The following CR1 variants were observed in gnomAD, a reference collection of about 807,000 sequenced individuals.
CR1 encodes the protein complement receptor type 1.
Under a neutral mutation model 187.3 loss-of-function variants are expected in CR1, and 116 were observed. That is an observed-to-expected ratio of 0.62 (90% CI 0.53 to 0.72). The LOEUF is 0.72. Ranked by LOEUF, CR1 falls within the 30% of genes least tolerant of loss-of-function variation. The pLI is 0.00. For missense variants in CR1, 1,731 were observed against 2,110.7 expected (o/e 0.82, Z 3.52); for synonymous variants, 576 against 747.1 (o/e 0.77, Z 3.73).
At chr1:207,637,440 G>C (rs202118992) in intron 46 of CR1, among the ~76,000 whole-genome samples, 1 of 107,592 alleles carries the variant, frequency 9.3e-6, no homozygotes, top group Non-Finnish European at 2.1e-5. Flanking sequence ...TTTCCTTGGG[G>C]CAAGGTTTCC....
chr1:207,516,109 C>G (rs1186257884), intron 4 of CR1, among the ~76,000 whole-genome samples: 1 of 152,116 alleles, frequency 6.6e-6, no homozygotes, highest in African/African-American at 2.4e-5. Flanking sequence ...GTAGTCCCAG[C>G]TACTTGGGAG....
intron 1 of CR1, 42 bp from the exon 2 acceptor site, chr1:207,505,862 T>C: frequency 1.9e-6 from 3 of 1,568,948 alleles, no homozygotes; most frequent in Non-Finnish European, 2.6e-6. Context: ...AGTATGGTAA[T>C]TTCTCCATTA....
intron 24 of CR1, among the ~76,000 whole-genome samples, chr1:207,566,882 A>G (rs1660516162): frequency 6.7e-6 from 1 of 150,250 alleles, no homozygotes; most frequent in Non-Finnish European, 1.5e-5. Flanking sequence ...TTAGAAATAT[A>G]CTTGGACATC....
At chr1:207,566,358 A>G (rs894773488) in intron 24 of CR1, among the ~76,000 whole-genome samples, 3 of 149,400 alleles carry the variant, frequency 2.0e-5, no homozygotes, top group Non-Finnish European at 4.4e-5. Flanking sequence ...CAGTCAGTCT[A>G]CAATTTATAT....
chr1:207,517,208 C>G (rs747427069), intron 4 of CR1, among the ~76,000 whole-genome samples: 1 of 151,968 alleles, frequency 6.6e-6, no homozygotes. Context: ...AAAAGACAAA[C>G]GCTGAATTCC....
Position 207,523,708 on chromosome 1 carries a change from C to T in CR1, c.585C>T (p.Cys195=), listed in dbSNP as rs1185038822. 1.9e-6 allele frequency: 3 copies of T among 1,613,408 alleles called. No individual in the cohort carries two copies. The highest frequency in any genetic ancestry group is 2.2e-5 in the East Asian group (1 of 44,890). ...ATGGATCAGTGGTGACCTACCGCTG[C>T]AATCCTGGAAGCGGAGGGAGAAAGG... The part of the protein sequence containing the change: ...FHYGSVVTYR[C]NPGSGGRKVF... The change falls in exon 5 of 47, where the codon TGC becomes TGT. Residue 195 remains cysteine, a synonymous_variant. Coordinates refer to ENST00000367049, the MANE Select transcript of CR1 (RefSeq NM_000651.6).
intron 46 of CR1, among the ~76,000 whole-genome samples, chr1:207,635,618 G>A (rs577156570): frequency 1.1e-4 from 17 of 152,130 alleles, no homozygotes; most frequent in African/African-American, 3.4e-4. Context: ...GCAACGAGGC[G>A]TTCCTTCCTC....
chr1:207,582,145 C>A, intron 32 of CR1, 142 bp downstream of exon 32: 1 of 502,286 alleles, frequency 2.0e-6, no homozygotes, highest in Non-Finnish European at 3.5e-6. Flanking sequence ...TAGATACAAG[C>A]AATGTTTTGG....
At chr1:207,520,508 T>TC (rs1357133262) in intron 4 of CR1, among the ~76,000 whole-genome samples, 2 of 152,260 alleles carry the variant, frequency 1.3e-5, no homozygotes, top group East Asian at 3.9e-4. Flanking sequence ...GGCTGATGGG[T>TC]CCCCTTCTCT....
chr1:207,523,418 A>C (rs957231927), intron 4 of CR1, among the ~76,000 whole-genome samples, 193 bp from the exon 5 acceptor site: 11 of 152,270 alleles, frequency 7.2e-5, no homozygotes, highest in African/African-American at 2.4e-5. Flanking sequence ...ATAGGAAATC[A>C]TATCAGTAAG....
intron 27 of CR1, among the ~76,000 whole-genome samples, chr1:207,575,372 T>C (rs1359513120): frequency 6.6e-6 from 1 of 152,200 alleles, no homozygotes; most frequent in Non-Finnish European, 1.5e-5. Context: ...GAAGCCAAGA[T>C]ATTAAGAAGC....
At chr1:207,614,021 G>A (rs1662020792) in intron 39 of CR1, among the ~76,000 whole-genome samples, 1 of 152,174 alleles carries the variant, frequency 6.6e-6, no homozygotes, top group African/African-American at 2.4e-5. Flanking sequence ...AGAATAAGTG[G>A]GATGTCAGAG....
At chr1:207,565,085 C>T (rs1301118421) in intron 23 of CR1, among the ~76,000 whole-genome samples, 1 of 149,788 alleles carries the variant, frequency 6.7e-6, no homozygotes, top group African/African-American at 2.5e-5. Context: ...AGGTCATTAC[C>T]TTGTTTATGT....
intron 3 of CR1, among the ~76,000 whole-genome samples, chr1:207,508,872 T>A (rs1201875337): frequency 6.6e-6 from 1 of 152,146 alleles, no homozygotes; most frequent in Non-Finnish European, 1.5e-5. Flanking sequence ...TGGTCCCATA[T>A]GGAAAATATA....
intron 4 of CR1, among the ~76,000 whole-genome samples, chr1:207,522,437 G>T (rs1660027160): frequency 6.6e-6 from 1 of 152,182 alleles, no homozygotes; most frequent in Non-Finnish European, 1.5e-5. Context: ...GACTTCCATT[G>T]TTGTCCCTTA....
chr1:207,503,773 T>C (rs1004084484), intron 1 of CR1, among the ~76,000 whole-genome samples: 4 of 152,306 alleles, frequency 2.6e-5, no homozygotes, highest in Non-Finnish European at 5.9e-5. Context: ...CTCTGAGAGG[T>C]CCTTACTTAG....
Position 207,609,669 on chromosome 1 carries a change from G to T in CR1, c.6276G>T (p.Lys2092Asn). Residue 2092 changes from lysine to asparagine, a missense_variant, in exon 37 of 47, where the codon AAG becomes AAT. Around this residue, in one of 5 missense-constraint regions of CR1, gnomAD observed 1,312 missense variants for 1,379.6 expected, o/e 0.95. Transcript: ENST00000367049. ...QCQTNGRWGP[K>N]LPHCSRVCQP... ...AGACCAATGGCAGATGGGGGCCCAAGCTGCCACACTGCTCCAGGGGTGAGT... is the reference window on the plus strand; with the variant it reads ...AGACCAATGGCAGATGGGGGCCCAATCTGCCACACTGCTCCAGGGGTGAGT... 6.3e-7 allele frequency: 1 copy of T among 1,589,634 alleles called. No individual in the cohort carries two copies. Among genetic ancestry groups the T allele is most frequent in the East Asian group, 2.2e-5 (1 of 44,756 alleles).
At chr1:207,601,469 T>C (rs1661602984) in intron 35 of CR1, among the ~76,000 whole-genome samples, 1 of 152,160 alleles carries the variant, frequency 6.6e-6, no homozygotes, top group African/African-American at 2.4e-5. Flanking sequence ...GGTAATTCTG[T>C]TTAACTTTTC....
chr1:207,610,160 A>C (rs887415672), intron 37 of CR1, among the ~76,000 whole-genome samples: 5 of 152,132 alleles, frequency 3.3e-5, no homozygotes, highest in Non-Finnish European at 5.9e-5. Context: ...CTTCAACTTC[A>C]ACTTTTTCTC....
Sources: allele counts gnomAD v4.1 joint callset (sites outside exome capture counted in the v4.1 genomes callset), GRCh38; gene constraint gnomAD v4.1.1; regional missense constraint gnomAD v4.1.1; transcripts MANE v1.5; gene names NCBI Gene and HGNC (gene_info 2026-07-23, HGNC 2026-07-21).